The following HECW2 variants were observed in gnomAD, a reference collection of about 807,000 sequenced individuals.
The protein encoded by HECW2 is E3 ubiquitin-protein ligase HECW2.
A neutral mutation model predicts 175.2 loss-of-function variants in HECW2; 61 were observed. The ratio of observed to expected loss-of-function variants is 0.35; its 90% CI spans 0.28 to 0.43. HECW2 has a LOEUF of 0.43. Among genes scored for constraint, HECW2 ranks in the 20% least tolerant of loss-of-function variants. The probability of loss-of-function intolerance (pLI) is 1.00; values close to 1 mark genes in which losing one functional copy is unlikely to be tolerated. For synonymous variants in HECW2, 671 were observed against 731.0 expected, an observed-to-expected ratio of 0.92 and a Z score of 1.32; for missense variants, 1,524 against 2,000.5, an observed-to-expected ratio of 0.76 and a Z score of 4.54.
At position 196,292,707 on chromosome 2, in the gene HECW2, A is replaced by G. The variant is rs202141525; in HGVS notation, c.2858T>C (p.Met953Thr). Reference sequence around the variant, plus strand: ...GGTGTCCCTCCGGACTTTGGTGATCATGTGCTTCAAACACGTGTTGTTTGT... The same window carrying G: ...GGTGTCCCTCCGGACTTTGGTGATCGTGTGCTTCAAACACGTGTTGTTTGT... The part of the protein sequence containing the change: ...MFTNNTCLKH[M>T]ITKVRRDTHH... The change falls in exon 14 of 29, where the codon ATG becomes ACG. Residue 953 changes from methionine to threonine, a missense_variant. Transcript: ENST00000644978. 2.5e-6 allele frequency: 4 copies of G among 1,613,904 alleles called. No homozygotes were observed. The highest frequency in any genetic ancestry group is 3.4e-6 in the Non-Finnish European group (4 of 1,179,900).
chr2:196,205,718 G>C (rs1455815), intron 28 of HECW2, among the ~76,000 whole-genome samples: 1 of 151,840 alleles, frequency 6.6e-6, no homozygotes, highest in Non-Finnish European at 1.5e-5. Context: ...CCTTGTGATT[G>C]TAATTCAGAA....
intron 21 of HECW2, among the ~76,000 whole-genome samples, chr2:196,231,284 AC>A (rs1412834571): frequency 3.9e-5 from 6 of 152,078 alleles, no homozygotes; most frequent in Non-Finnish European, 8.8e-5. Flanking sequence ...GAGATCACTG[AC>A]TTGTATCACA....
rs199905421 is a variant in HECW2, at chr2:196,352,401, C to T, written c.293-8637G>A. On this transcript the variant is annotated intron_variant, in intron 2 of 28. Transcript: ENST00000644978. ...CCAATGACAAGACTGCAAGGTCTGG[C>T]CTTGGGAATATCTGTGCACTGAAAG... 2.6e-5 allele frequency among the ~76,000 whole-genome samples: 4 copies of T among 152,126 alleles called. No homozygotes were observed. The East Asian group carries it at 7.7e-4, about 29-fold the overall frequency.
chr2:196,257,809 T>TGTTAC lies in HECW2; in HGVS notation c.3419+9_3419+13dup, dbSNP rs775132772. ...AGAGACCTTCTGCTTCAAGAGTGAGTGTTACGTATGTACCTCAGCAACATA... is the reference window on the plus strand; with the variant it reads ...AGAGACCTTCTGCTTCAAGAGTGAGTGTTACGTTACGTATGTACCTCAGCAACATA... On this transcript the variant is annotated intron_variant, in intron 18 of 28. Transcript: ENST00000644978. 6.3e-7 allele frequency: 1 copy of TGTTAC among 1,586,522 alleles called. No individual in the cohort carries two copies. The highest frequency in any genetic ancestry group is 8.7e-7 in the Non-Finnish European group (1 of 1,155,408).
intron 1 of HECW2, among the ~76,000 whole-genome samples, chr2:196,588,977 G>C (rs1032000914): frequency 6.6e-6 from 1 of 152,084 alleles, no homozygotes; most frequent in African/African-American, 2.4e-5. Flanking sequence ...CGAGGAGGGT[G>C]GATCATTTGT....
At chr2:196,545,115 C>T (rs1261539068) in intron 1 of HECW2, among the ~76,000 whole-genome samples, 9 of 152,200 alleles carry the variant, frequency 5.9e-5, no homozygotes, top group African/African-American at 2.2e-4. Flanking sequence ...GTAAGCTCAT[C>T]ATGTGGAAGT....
rs545964282 is a variant in HECW2, at chr2:196,209,915, C to T, written c.4607+5950G>A. On this transcript the variant is annotated intron_variant, in intron 28 of 28. Coordinates refer to ENST00000644978, the MANE Select transcript of HECW2 (RefSeq NM_001348768.2). ...AGTAGATGGGGCTACAGGCGCCCAC[C>T]ACCACGCCCGGCCAACTTTTTGTAT... Among the ~76,000 whole-genome samples the T allele has an allele frequency of 3.9e-5, 6 of 152,272 alleles. No homozygotes were observed. The South Asian group carries it at 6.2e-4, about 16-fold the overall frequency.
intron 13 of HECW2, among the ~76,000 whole-genome samples, chr2:196,304,662 A>C (rs1317817411): frequency 1.3e-5 from 2 of 152,198 alleles, no homozygotes; most frequent in Admixed American, 1.3e-4. Context: ...CTATTAAAGC[A>C]TGATTTTTTT....
intron 18 of HECW2, among the ~76,000 whole-genome samples, chr2:196,256,463 G>A (rs1159319838): frequency 6.6e-6 from 1 of 151,948 alleles, no homozygotes; most frequent in Non-Finnish European, 1.5e-5. Context: ...TGTTATCAAA[G>A]TACAAATATT....
At chr2:196,391,496 C>T (rs1264053318) in intron 2 of HECW2, among the ~76,000 whole-genome samples, 1 of 152,174 alleles carries the variant, frequency 6.6e-6, no homozygotes, top group East Asian at 1.9e-4. Flanking sequence ...TACTGTTTAA[C>T]TCTCATGAAT....
intron 14 of HECW2, among the ~76,000 whole-genome samples, chr2:196,281,636 C>G (rs1324080300): frequency 9.3e-6 from 1 of 106,976 alleles, no homozygotes; most frequent in African/African-American, 4.5e-5. Flanking sequence ...AGAGTGAGAC[C>G]CCGTCTCAAA....
intron 1 of HECW2, among the ~76,000 whole-genome samples, chr2:196,560,905 G>A (rs368735981): frequency 5.9e-5 from 9 of 152,132 alleles, no homozygotes; most frequent in South Asian, 4.2e-4. Context: ...GATGTATGTC[G>A]CCTCAGGACC....
intron 14 of HECW2, among the ~76,000 whole-genome samples, chr2:196,283,175 T>C (rs7566516): frequency 0.014 from 1,885 of 139,224 alleles, 39 homozygotes; most frequent in African/African-American, 0.048. Flanking sequence ...GGTAGGAGAA[T>C]GGCGTGAACC....
intron 19 of HECW2, chr2:196,242,795 T>A (rs2105886167): frequency 6.7e-6 from 1 of 149,910 alleles, no homozygotes; most frequent in South Asian, 2.1e-4. Flanking sequence ...TGGGTTCAAG[T>A]GATTCTCCTG....
chr2:196,378,350 C>A (rs568614795), intron 2 of HECW2, among the ~76,000 whole-genome samples: 4 of 152,128 alleles, frequency 2.6e-5, no homozygotes, highest in Non-Finnish European at 4.4e-5. Flanking sequence ...CAAATGGTTA[C>A]CTACAGAGAG....
chr2:196,532,921 A>G (rs1353120592), intron 1 of HECW2, among the ~76,000 whole-genome samples: 1 of 152,218 alleles, frequency 6.6e-6, no homozygotes, highest in Admixed American at 6.5e-5. Flanking sequence ...GCTCCCCAAG[A>G]TATCTTATTA....
chr2:196,496,184 A>G (rs971172395), intron 1 of HECW2, among the ~76,000 whole-genome samples: 1 of 152,128 alleles, frequency 6.6e-6, no homozygotes, highest in East Asian at 1.9e-4. Context: ...CAGCTTACAT[A>G]TATTTTTTAA....
chr2:196,554,325 CAA>C (rs112989492), intron 1 of HECW2, among the ~76,000 whole-genome samples: 5 of 118,172 alleles, frequency 4.2e-5, no homozygotes, highest in Admixed American at 8.5e-5. Context: ...GACTCCGTCT[CAA>C]AAAAAAAAAA....
At position 196,558,391 on chromosome 2, in the gene HECW2, T is replaced by A. The variant is rs144923843; in HGVS notation, c.-36+35117A>T. Reference sequence around the variant, plus strand: ...TTCCTGATATAAGCAGAGTTGTGAATTTGGAGAGCTTTACATCAAACTCTA... The same window carrying A: ...TTCCTGATATAAGCAGAGTTGTGAAATTGGAGAGCTTTACATCAAACTCTA... On this transcript the variant is annotated intron_variant, in intron 1 of 28. Transcript: ENST00000644978. Among the ~76,000 whole-genome samples, 421 of 152,228 alleles carry A rather than the reference T, an allele frequency of 2.8e-3. 3 individuals are homozygous for A. Among genetic ancestry groups the A allele is most frequent in the African/African-American group, 9.4e-3 (389 of 41,540 alleles).
Sources: allele counts gnomAD v4.1 joint callset (sites outside exome capture counted in the v4.1 genomes callset), GRCh38; gene constraint gnomAD v4.1.1; transcripts MANE v1.5; gene names NCBI Gene and HGNC (gene_info 2026-07-23, HGNC 2026-07-21).